The following GALNT17 variants were observed in gnomAD, a reference collection of about 807,000 sequenced individuals.
The protein encoded by GALNT17 is UDP-GalNAc:polypeptide N-acetylgalactosaminyltransferase-like 3.
In GALNT17, 29 loss-of-function variants were observed where a neutral mutation model predicts 63.7. That is an observed-to-expected ratio of 0.46 (90% CI 0.34 to 0.62). The LOEUF is 0.62. Among genes scored for constraint, GALNT17 ranks in the 20% least tolerant of loss-of-function variants. GALNT17 has a pLI of 0.01. For missense variants in GALNT17, 603 were observed against 799.6 expected, an observed-to-expected ratio of 0.75 and a Z score of 2.97; for synonymous variants, 305 against 318.3, an observed-to-expected ratio of 0.96 and a Z score of 0.45.
chr7:71,523,471 C>T (rs184596847), intron 5 of GALNT17, among the ~76,000 whole-genome samples: 73 of 151,726 alleles, frequency 4.8e-4, no homozygotes, highest in African/African-American at 1.7e-3. Flanking sequence ...GATTCTTGGC[C>T]AGGCACAGTG....
At chr7:71,204,275 G>C (rs1295624099) in intron 1 of GALNT17, among the ~76,000 whole-genome samples, 4 of 152,138 alleles carry the variant, frequency 2.6e-5, no homozygotes, top group Admixed American at 2.6e-4. Context: ...TTTTATGCCA[G>C]TACCATGCTG....
rs536924754 is a variant in GALNT17 at position 71,406,325 on chromosome 7, C to T, written c.590-9564C>T. ...AAACTAACAAAGCTTCCGCATTGGG[C>T]CCCTTACTTGCACGGGTGCCCTTCG... On this transcript the variant is annotated intron_variant, in intron 3 of 10. Coordinates refer to ENST00000333538, the MANE Select transcript of GALNT17 (RefSeq NM_022479.3). 3.9e-5 allele frequency among the ~76,000 whole-genome samples: 6 copies of T among 152,286 alleles called. No individual in the cohort carries two copies. In the East Asian group the frequency reaches 1.2e-3, roughly 29 times the overall value.
At chr7:71,372,824 C>T (rs1305179241) in intron 2 of GALNT17, among the ~76,000 whole-genome samples, 1 of 152,126 alleles carries the variant, frequency 6.6e-6, no homozygotes, top group Non-Finnish European at 1.5e-5. Flanking sequence ...ATGCTTTGGT[C>T]ATCTGTGGCC....
chr7:71,209,979 G>T (rs1309185230), intron 1 of GALNT17, among the ~76,000 whole-genome samples: 1 of 152,030 alleles, frequency 6.6e-6, no homozygotes, highest in African/African-American at 2.4e-5. Context: ...CTGGAGTGCA[G>T]TGGCACAAAC....
Position 71,436,718 on chromosome 7 carries a change from CA to C in GALNT17, c.962+15623del, listed in dbSNP as rs773454238. ...TGGGCGACAGAGCGAGACTCCATCT[CA>C]AAAAAAAAATAAAAAATAAAACAAA... is the stretch of plus-strand genomic sequence containing the variant. On this transcript the variant is annotated intron_variant, in intron 5 of 10. Coordinates refer to ENST00000333538, the MANE Select transcript of GALNT17 (RefSeq NM_022479.3). Among the ~76,000 whole-genome samples the C allele has an allele frequency of 5.2e-3, 701 of 133,894 alleles. 4 individuals are homozygous for C. The highest frequency in any genetic ancestry group is 8.5e-3 in the Non-Finnish European group (530 of 62,382). The allele number at this position is 133,894 out of a possible 152,430, so 87.8% of individuals were successfully genotyped here.
At chr7:71,136,644 C>A (rs1246685652) in intron 1 of GALNT17, among the ~76,000 whole-genome samples, 1 of 151,938 alleles carries the variant, frequency 6.6e-6, no homozygotes, top group Non-Finnish European at 1.5e-5. Flanking sequence ...GCCACCATGC[C>A]CGGCTAATTT....
At chr7:71,484,083 CTG>C (rs563627610) in intron 5 of GALNT17, among the ~76,000 whole-genome samples, 56 of 152,264 alleles carry the variant, frequency 3.7e-4, no homozygotes, top group African/African-American at 1.3e-3. Flanking sequence ...TTGCCTGAGG[CTG>C]TTTTACAGTT....
At chr7:71,481,791 G>A (rs1020960010) in intron 5 of GALNT17, among the ~76,000 whole-genome samples, 1 of 151,958 alleles carries the variant, frequency 6.6e-6, no homozygotes, top group Non-Finnish European at 1.5e-5. Context: ...CCCAAGGTCA[G>A]AGGCAATAAG....
intron 1 of GALNT17, among the ~76,000 whole-genome samples, chr7:71,306,136 C>T (rs2115909258): frequency 6.6e-6 from 1 of 152,276 alleles, no homozygotes; most frequent in East Asian, 1.9e-4. Context: ...AGGAGAATCA[C>T]TTGAACCTAG....
chr7:71,677,646 C>T (rs1791173247), intron 9 of GALNT17, among the ~76,000 whole-genome samples: 1 of 151,852 alleles, frequency 6.6e-6, no homozygotes, highest in South Asian at 2.1e-4. Context: ...TCCAGAGTAG[C>T]TGGGACTACA....
At chr7:71,281,487 G>A (rs1265661868) in intron 1 of GALNT17, among the ~76,000 whole-genome samples, 1 of 152,254 alleles carries the variant, frequency 6.6e-6, no homozygotes, top group East Asian at 1.9e-4. Context: ...AACGGCTGCT[G>A]CATCTTTCAC....
At chr7:71,363,787 A>T (rs758266478) in intron 2 of GALNT17, among the ~76,000 whole-genome samples, 1 of 152,238 alleles carries the variant, frequency 6.6e-6, no homozygotes, top group Non-Finnish European at 1.5e-5. Flanking sequence ...GACGGAAAAC[A>T]GAAGCAAGGT....
rs751268576 is a variant in GALNT17, at chr7:71,350,144, TAAAG to T, written c.422+14416_422+14419del. Among the ~76,000 whole-genome samples, 86 of 152,290 alleles carry T rather than the reference TAAAG, an allele frequency of 5.6e-4. 1 individual carries two copies. Among genetic ancestry groups the T allele is most frequent in the South Asian group, 1.2e-3 (6 of 4,826 alleles). ...AAATTATTTATGAGTTAAATAAAAA[TAAAG>T]AAAGGAATTTATTTATGATTTCAAC... is the stretch of plus-strand genomic sequence containing the variant. On this transcript the variant is annotated intron_variant, in intron 2 of 10. Transcript: ENST00000333538.
intron 2 of GALNT17, among the ~76,000 whole-genome samples, chr7:71,373,797 A>G (rs539976577): frequency 2.0e-4 from 31 of 152,308 alleles, no homozygotes; most frequent in South Asian, 6.2e-4. Context: ...ATTGCCTTCC[A>G]TGAAACCGGT....
chr7:71,266,068 GTC>G (rs1375098285), intron 1 of GALNT17, among the ~76,000 whole-genome samples: 1 of 152,108 alleles, frequency 6.6e-6, no homozygotes, highest in Non-Finnish European at 1.5e-5. Context: ...CATCACTCCA[GTC>G]TCTGCATCTG....
chr7:71,289,736 A>G (rs1025985572), intron 1 of GALNT17, among the ~76,000 whole-genome samples: 1 of 152,126 alleles, frequency 6.6e-6, no homozygotes, highest in African/African-American at 2.4e-5. Context: ...AAAATTAGCC[A>G]GGCGTGGTAG....
At chr7:71,343,981 A>C (rs989728741) in intron 2 of GALNT17, among the ~76,000 whole-genome samples, 1 of 151,916 alleles carries the variant, frequency 6.6e-6, no homozygotes, top group African/African-American at 2.4e-5. Flanking sequence ...TTTTTTGACT[A>C]AAGTCTCCAA....
At chr7:71,278,899 TCTCTTTTTC>T (rs1790729755) in intron 1 of GALNT17, among the ~76,000 whole-genome samples, 1 of 151,760 alleles carries the variant, frequency 6.6e-6, no homozygotes, top group South Asian at 2.1e-4. Flanking sequence ...CCTCTGTGTA[TCTCTTTTTC>T]CTCTTTTTCT....
chr7:71,180,805 T>A (rs559634230), intron 1 of GALNT17, among the ~76,000 whole-genome samples: 5 of 152,200 alleles, frequency 3.3e-5, no homozygotes, highest in African/African-American at 1.2e-4. Flanking sequence ...GGCATTTGGA[T>A]GGTGTGCATG....
Sources: allele counts gnomAD v4.1 joint callset (sites outside exome capture counted in the v4.1 genomes callset), GRCh38; gene constraint gnomAD v4.1.1; transcripts MANE v1.5; gene names NCBI Gene and HGNC (gene_info 2026-07-23, HGNC 2026-07-21).